Variants in BMPR1A observed in about 807,000 individuals in gnomAD.
The protein encoded by BMPR1A is bone morphogenetic protein receptor type 1A, also known as bone morphogenetic protein receptor type-1A.
BMPR1A carries 7 observed loss-of-function variants against 66.0 expected under a neutral mutation model. The observed-to-expected ratio is 0.11, with a 90% confidence interval of 0.06 to 0.20. BMPR1A has a LOEUF of 0.20. Among genes scored for constraint, BMPR1A ranks in the 10% least tolerant of loss-of-function variants. BMPR1A has a pLI of 1.00. For missense variants in BMPR1A, 408 were observed against 669.1 expected (o/e 0.61, Z 4.31); for synonymous variants, 200 against 229.7 (o/e 0.87, Z 1.17).
intron 7 of BMPR1A, among the ~76,000 whole-genome samples, chr10:86,907,568 C>A (rs1413677277): frequency 9.4e-6 from 1 of 106,196 alleles, no homozygotes; most frequent in African/African-American, 5.6e-5. Flanking sequence ...GATGTGGAAT[C>A]AACCGTGTCC....
intron 8 of BMPR1A, among the ~76,000 whole-genome samples, chr10:86,916,410 G>A (rs1026598620): frequency 6.6e-6 from 1 of 152,216 alleles, no homozygotes; most frequent in Non-Finnish European, 1.5e-5. Flanking sequence ...ACCCTTGGCC[G>A]ACAGTTCATG....
intron 7 of BMPR1A, among the ~76,000 whole-genome samples, chr10:86,910,320 A>T (rs916790623): frequency 6.6e-6 from 1 of 152,218 alleles, no homozygotes; most frequent in Non-Finnish European, 1.5e-5. Context: ...CCTGGAGGAC[A>T]GAGTAAGACT....
chr10:86,785,946 C>G (rs1841508218), intron 1 of BMPR1A, among the ~76,000 whole-genome samples: 1 of 152,156 alleles, frequency 6.6e-6, no homozygotes, highest in African/African-American at 2.4e-5. Flanking sequence ...CCAGTGTGAC[C>G]TAAATGATCA....
intron 2 of BMPR1A, chr10:86,854,933 C>CAT (rs1554884823): frequency 4.8e-5 from 7 of 146,042 alleles, no homozygotes; most frequent in African/African-American, 1.6e-4. Context: ...TTTTCTTTTT[C>CAT]TTTTTTTTTT....
intron 9 of BMPR1A, among the ~76,000 whole-genome samples, chr10:86,917,838 T>G (rs551132731): frequency 6.6e-6 from 1 of 152,354 alleles, no homozygotes; most frequent in South Asian, 2.1e-4. Context: ...TTCCTCCCTT[T>G]AATTTGGAGA....
intron 1 of BMPR1A, among the ~76,000 whole-genome samples, chr10:86,769,894 G>A (rs1260228143): frequency 1.3e-5 from 2 of 150,296 alleles, no homozygotes; most frequent in Admixed American, 1.3e-4. Context: ...TGGAGGGGTG[G>A]CAGTGACCTT....
Position 86,927,826 on chromosome 10 carries a change from G to A in BMPR1A, c.*4107G>A, listed in dbSNP as rs543087953. 178 of 197,412 alleles carry A rather than the reference G, an allele frequency of 9.0e-4. No individual in the cohort carries two copies. Among genetic ancestry groups the A allele is most frequent in the African/African-American group, 3.7e-3 (161 of 43,378 alleles). The allele number at this position is 197,412 out of a possible 1,614,324, so 12.2% of individuals were successfully genotyped here. The stretch of plus-strand genomic sequence containing the variant: ...TGTAAAACACCAAAAATATAGATTC[G>A]TCTTTGACGTGTAACACACTAAATG... On this transcript the variant is annotated 3_prime_UTR_variant, in exon 13 of 13. Transcript: ENST00000372037.
In BMPR1A at chr10:86,866,320, G is replaced by T. The variant is rs528301238; in HGVS notation, c.-152-9547G>T. Among the ~76,000 whole-genome samples, 14 of 109,434 alleles carry T rather than the reference G, an allele frequency of 1.3e-4. No homozygotes were observed. The East Asian group carries it at 3.2e-3, about 25-fold the overall frequency. 71.8% of individuals were successfully genotyped at this position (109,434 alleles called of 152,430 possible). A position where few individuals can be genotyped will look rare whatever the true frequency, so the allele number is the denominator to read the frequency against. On this transcript the variant is annotated intron_variant, in intron 2 of 12. Coordinates refer to ENST00000372037, the MANE Select transcript of BMPR1A (RefSeq NM_004329.3). ...TACTTTCCTGCCAGCGCCTTAACATGCAGTAACAAGTGGAATTTGGGCTTT... is the reference window on the plus strand; with the variant it reads ...TACTTTCCTGCCAGCGCCTTAACATTCAGTAACAAGTGGAATTTGGGCTTT...
chr10:86,793,052 T>A (rs763158030), intron 1 of BMPR1A, among the ~76,000 whole-genome samples: 1 of 151,890 alleles, frequency 6.6e-6, no homozygotes, highest in Non-Finnish European at 1.5e-5. Context: ...AATGCAGTCT[T>A]CTCTAGCTAC....
intron 1 of BMPR1A, among the ~76,000 whole-genome samples, chr10:86,819,457 T>C (rs988571030): frequency 6.6e-6 from 1 of 152,142 alleles, no homozygotes; most frequent in Non-Finnish European, 1.5e-5. Context: ...CGCGCCACCA[T>C]GCCCAACTAA....
chr10:86,848,667 A>T (rs1421129670), intron 2 of BMPR1A, among the ~76,000 whole-genome samples: 1 of 152,096 alleles, frequency 6.6e-6, no homozygotes, highest in East Asian at 1.9e-4. Context: ...TTCTATTTTT[A>T]AACATTTTTC....
At chr10:86,916,577 G>GACT (rs1843571516) in intron 8 of BMPR1A, among the ~76,000 whole-genome samples, 1 of 152,220 alleles carries the variant, frequency 6.6e-6, no homozygotes, top group Non-Finnish European at 1.5e-5. Flanking sequence ...TGTGGACCAA[G>GACT]ACTACCCACG....
intron 8 of BMPR1A, among the ~76,000 whole-genome samples, chr10:86,914,376 T>C (rs1352220412): frequency 3.9e-5 from 6 of 152,132 alleles, no homozygotes; most frequent in African/African-American, 1.2e-4. Context: ...AAAACACAAA[T>C]CATTTTTTTA....
At chr10:86,901,298 T>G (rs1843306736) in intron 7 of BMPR1A, among the ~76,000 whole-genome samples, 1 of 152,206 alleles carries the variant, frequency 6.6e-6, no homozygotes, top group Admixed American at 6.5e-5. Context: ...ACAGAAACAG[T>G]GAGATAACAA....
chr10:86,843,565 G>A (rs964779842), intron 2 of BMPR1A: 4 of 152,214 alleles, frequency 2.6e-5, no homozygotes, highest in Non-Finnish European at 5.9e-5. Flanking sequence ...GCAAAAGTGA[G>A]GAATGCCACA....
chr10:86,868,547 C>T (rs965967540), intron 2 of BMPR1A, among the ~76,000 whole-genome samples: 2 of 152,246 alleles, frequency 1.3e-5, no homozygotes, highest in African/African-American at 4.8e-5. Flanking sequence ...TCTATTCCTT[C>T]TCAGAAAGCT....
chr10:86,923,131 T>G (rs545714912), intron 11 of BMPR1A, among the ~76,000 whole-genome samples: 1 of 151,712 alleles, frequency 6.6e-6, no homozygotes, highest in African/African-American at 2.4e-5. Context: ...TAAGGAAGAT[T>G]GATATGCCCT....
chr10:86,801,540 C>A (rs1454776322), intron 1 of BMPR1A, among the ~76,000 whole-genome samples: 2 of 152,064 alleles, frequency 1.3e-5, no homozygotes, highest in Non-Finnish European at 2.9e-5. Context: ...TTAGTCATTA[C>A]CCCTGTTTTT....
rs1843727395 is a variant in BMPR1A, at chr10:86,925,528, A to T, written c.*1809A>T. 5.0e-6 allele frequency: 1 copy of T among 201,624 alleles called. No individual in the cohort carries two copies. Among genetic ancestry groups the T allele is most frequent in the Non-Finnish European group, 1.0e-5 (1 of 98,274 alleles). 12.5% of individuals were successfully genotyped at this position (201,624 alleles called of 1,614,324 possible). A position where few individuals can be genotyped will look rare whatever the true frequency, so the allele number is the denominator to read the frequency against. Reference sequence around the variant, plus strand: ...ATAATTAAAGTCTGAAGTGTTCATCAAGATAAGTAAATTTGCATATGGATA... The same window carrying T: ...ATAATTAAAGTCTGAAGTGTTCATCTAGATAAGTAAATTTGCATATGGATA... On this transcript the variant is annotated 3_prime_UTR_variant, in exon 13 of 13. Coordinates refer to ENST00000372037, the MANE Select transcript of BMPR1A (RefSeq NM_004329.3).
Sources: allele counts gnomAD v4.1 joint callset (sites outside exome capture counted in the v4.1 genomes callset), GRCh38; gene constraint gnomAD v4.1.1; transcripts MANE v1.5; gene names NCBI Gene and HGNC (gene_info 2026-07-23, HGNC 2026-07-21).